Variants in CAMTA1 observed in about 807,000 individuals in gnomAD.
The protein encoded by CAMTA1 is calmodulin binding transcription activator 1, also known as calmodulin-binding transcription activator 1.
In CAMTA1, 27 loss-of-function variants were observed where a neutral mutation model predicts 170.9. The ratio of observed to expected loss-of-function variants is 0.16; its 90% confidence interval spans 0.12 to 0.22. The LOEUF is 0.22. Ranked by LOEUF, CAMTA1 falls within the 10% of genes least tolerant of loss-of-function variation. The pLI is 1.00. For missense variants in CAMTA1, 1,619 were observed against 2,217.2 expected (o/e 0.73, Z 5.42); for synonymous variants, 833 against 891.5 (o/e 0.93, Z 1.17).
At position 6,899,550 on chromosome 1, in the gene CAMTA1, GCGCGCACACA is replaced by G. The variant is rs1185182612; in HGVS notation, c.234+74342_234+74351del. ...TTATATGTGTATAACGCGCACGCGC[GCGCGCACACA>G]CACACACACACACACACACACACAC... On this transcript the variant is annotated intron_variant, in intron 3 of 22. Coordinates refer to ENST00000303635, the MANE Select transcript of CAMTA1 (RefSeq NM_015215.4). Among the ~76,000 whole-genome samples, 10 of 85,200 alleles carry G rather than the reference GCGCGCACACA, an allele frequency of 1.2e-4. No homozygotes were observed. In the South Asian group the frequency reaches 1.4e-3, roughly 12 times the overall value. 55.9% of individuals were successfully genotyped at this position (85,200 alleles called of 152,430 possible).
Position 6,922,882 on chromosome 1 carries a change from C to G in CAMTA1, c.234+97672C>G, listed in dbSNP as rs144274773. Reference sequence around the variant, plus strand: ...AGCGCTGGGATCTTGGAACACACCCCCTTCCGTTAAGTGTTCCAGGAATGA... The same window carrying G: ...AGCGCTGGGATCTTGGAACACACCCGCTTCCGTTAAGTGTTCCAGGAATGA... On this transcript the variant is annotated intron_variant, in intron 3 of 22. Transcript: ENST00000303635. Among the ~76,000 whole-genome samples, 545 of 152,202 alleles carry G rather than the reference C, an allele frequency of 3.6e-3. 6 individuals are homozygous for G. Among genetic ancestry groups the G allele is most frequent in the African/African-American group, 0.012 (495 of 41,524 alleles).
chr1:7,212,980 G>A (rs1434737352), intron 4 of CAMTA1, among the ~76,000 whole-genome samples: 1 of 152,206 alleles, frequency 6.6e-6, no homozygotes, highest in Non-Finnish European at 1.5e-5. Context: ...ACCATAGAAT[G>A]AATGTGCTAC....
intron 12 of CAMTA1, among the ~76,000 whole-genome samples, chr1:7,735,460 GA>G (rs954079854): frequency 6.8e-6 from 1 of 146,176 alleles, no homozygotes; most frequent in African/African-American, 2.5e-5. Flanking sequence ...AAAAAAAAAA[GA>G]AAAAAGAAGA....
chr1:7,655,875 C>T (rs2095898828), intron 7 of CAMTA1, among the ~76,000 whole-genome samples: 1 of 152,300 alleles, frequency 6.6e-6, no homozygotes, highest in East Asian at 1.9e-4. Context: ...AGCCCCCATG[C>T]GGGGTGTGTT....
chr1:7,584,591 G>A (rs2095292678), intron 6 of CAMTA1, among the ~76,000 whole-genome samples: 2 of 152,168 alleles, frequency 1.3e-5, no homozygotes, highest in Non-Finnish European at 2.9e-5. Flanking sequence ...ACCCGCTCTG[G>A]GGTAGACACC....
chr1:7,762,962 C>A (rs1454002744), intron 22 of CAMTA1, among the ~76,000 whole-genome samples: 1 of 152,034 alleles, frequency 6.6e-6, no homozygotes, highest in East Asian at 1.9e-4. Flanking sequence ...TTAGAAAAAA[C>A]AATAAAATAT....
At chr1:7,452,997 C>T (rs2092865051) in intron 5 of CAMTA1, among the ~76,000 whole-genome samples, 1 of 148,186 alleles carries the variant, frequency 6.7e-6, no homozygotes, top group African/African-American at 2.4e-5. Context: ...TAACTAGACT[C>T]CAAGGAAACA....
chr1:7,075,974 A>AT, intron 3 of CAMTA1, among the ~76,000 whole-genome samples: 1 of 152,248 alleles, frequency 6.6e-6, no homozygotes, highest in Non-Finnish European at 1.5e-5. Flanking sequence ...AATCTCAGTG[A>AT]TTTTAGACCC....
chr1:7,526,758 G>T (rs2094436438), intron 6 of CAMTA1, among the ~76,000 whole-genome samples: 1 of 152,198 alleles, frequency 6.6e-6, no homozygotes, highest in South Asian at 2.1e-4. Context: ...GGCATCCAAG[G>T]CCAGGCCAGG....
chr1:7,109,931 C>T (rs1474434302), intron 4 of CAMTA1, among the ~76,000 whole-genome samples: 3 of 152,156 alleles, frequency 2.0e-5, no homozygotes, highest in Non-Finnish European at 4.4e-5. Flanking sequence ...TGGGCTTAGC[C>T]CCACATCTTC....
At chr1:7,153,173 G>T (rs1193415506) in intron 4 of CAMTA1, among the ~76,000 whole-genome samples, 1 of 152,148 alleles carries the variant, frequency 6.6e-6, no homozygotes, top group Non-Finnish European at 1.5e-5. Flanking sequence ...GTCTCTTGCA[G>T]TGTTTGGAAT....
chr1:7,310,619 T>TCTTTCTTTCTTTCTTTCTTTC, intron 5 of CAMTA1, among the ~76,000 whole-genome samples: 1 of 3,668 alleles, frequency 2.7e-4, no homozygotes, highest in African/African-American at 1.3e-3. Context: ...TTTCTTTCTT[T>TCTTTCTTTCTTTCTTTCTTTC]CTTTCTTTCT....
chr1:7,715,263 G>C (rs1360104992), intron 11 of CAMTA1, among the ~76,000 whole-genome samples: 1 of 152,094 alleles, frequency 6.6e-6, no homozygotes, highest in East Asian at 1.9e-4. Context: ...TTAGGGATTC[G>C]AGAGAGAGGA....
At chr1:7,576,158 A>G (rs12059020) in intron 6 of CAMTA1, among the ~76,000 whole-genome samples, 22,333 of 151,824 alleles carry the variant, frequency 0.15, 5,327 homozygotes, top group African/African-American at 0.5. Context: ...ACAGGTGCCC[A>G]CCACCACGCC....
intron 5 of CAMTA1, among the ~76,000 whole-genome samples, chr1:7,308,635 T>G (rs1471032934): frequency 1.3e-5 from 2 of 152,222 alleles, no homozygotes; most frequent in Non-Finnish European, 2.9e-5. Context: ...TATTTGGAGA[T>G]TTTCCTGTTA....
intron 4 of CAMTA1, among the ~76,000 whole-genome samples, chr1:7,123,813 G>A (rs1644780906): frequency 6.6e-6 from 1 of 152,172 alleles, no homozygotes; most frequent in Non-Finnish European, 1.5e-5. Context: ...TCACTGCCAA[G>A]TCCCTTTGAG....
At chr1:7,542,838 AGTGTGTGTGTGTGTGTGTGTGTGTGTGT>A (rs373719721) in intron 6 of CAMTA1, among the ~76,000 whole-genome samples, 1 of 56,002 alleles carries the variant, frequency 1.8e-5, no homozygotes, top group African/African-American at 6.9e-5. Context: ...CCTAAAACAC[AGTGTGTGTGTGTGTGTGTGTGTGTGTGT>A]GTGTGTGTGT....
intron 5 of CAMTA1, among the ~76,000 whole-genome samples, chr1:7,343,507 A>G (rs2083993414): frequency 6.6e-6 from 1 of 152,318 alleles, no homozygotes; most frequent in East Asian, 1.9e-4. Flanking sequence ...TTCATGACAC[A>G]CTATTGTTGT....
chr1:6,860,880 C>T (rs1019873987), intron 3 of CAMTA1, among the ~76,000 whole-genome samples: 1 of 151,496 alleles, frequency 6.6e-6, no homozygotes, highest in Non-Finnish European at 1.5e-5. Flanking sequence ...TCATTGCCCT[C>T]CAGCCTGGGT....
Sources: allele counts gnomAD v4.1 joint callset (sites outside exome capture counted in the v4.1 genomes callset), GRCh38; gene constraint gnomAD v4.1.1; transcripts MANE v1.5; gene names NCBI Gene and HGNC (gene_info 2026-07-23, HGNC 2026-07-21).